The following NEK1 variants were observed in gnomAD, a reference collection of about 807,000 sequenced individuals.
The protein encoded by NEK1 is NIMA related kinase 1, also known as serine/threonine-protein kinase Nek1.
NEK1 carries 137 observed loss-of-function variants against 182.1 expected under a neutral mutation model. The observed-to-expected ratio is 0.75, with a 90% CI of 0.65 to 0.87. The LOEUF is 0.87. Ranked by LOEUF, NEK1 falls within the 40% of genes least tolerant of loss-of-function variation. NEK1 has a pLI of 0.00. For missense variants in NEK1, 1,391 were observed against 1,494.4 expected (o/e 0.93, Z 1.14); for synonymous variants, 513 against 492.2 (o/e 1.04, Z -0.56).
intron 35 of NEK1, among the ~76,000 whole-genome samples, chr4:169,395,992 G>A (rs1450407018): frequency 1.3e-5 from 2 of 152,148 alleles, no homozygotes; most frequent in East Asian, 3.8e-4. Context: ...TTTAGCCGAT[G>A]TATACAATTT....
chr4:169,561,781 A>T (rs1311443106), intron 14 of NEK1, 44 bp from the exon 15 acceptor site: 3 of 1,599,978 alleles, frequency 1.9e-6, no homozygotes, highest in South Asian at 2.2e-5. Context: ...TCTTGAACCT[A>T]TTATCACTTA....
At chr4:169,608,270 A>G (rs1288508536) in intron 2 of NEK1, among the ~76,000 whole-genome samples, 1 of 152,192 alleles carries the variant, frequency 6.6e-6, no homozygotes, top group African/African-American at 2.4e-5. Context: ...GAAGTCCAGA[A>G]ATCAAAAAAC....
chr4:169,506,969 T>G, intron 23 of NEK1, 68 bp downstream of exon 23: 1 of 981,894 alleles, frequency 1.0e-6, no homozygotes. Context: ...ATAATACTGA[T>G]GTACTACCCA....
At chr4:169,501,662 A>C (rs1237553390) in intron 23 of NEK1, among the ~76,000 whole-genome samples, 1 of 152,184 alleles carries the variant, frequency 6.6e-6, no homozygotes, top group Non-Finnish European at 1.5e-5. Flanking sequence ...TTTGGAAAAC[A>C]ATAAAATTAA....
intron 29 of NEK1, among the ~76,000 whole-genome samples, chr4:169,433,188 C>A (rs1015140563): frequency 1.5e-4 from 23 of 151,582 alleles, no homozygotes; most frequent in Admixed American, 8.5e-4. Context: ...GTCTCTCAAG[C>A]AGCTGGGACT....
At chr4:169,400,932 A>G (rs1245573939) in intron 33 of NEK1, among the ~76,000 whole-genome samples, 2 of 151,478 alleles carry the variant, frequency 1.3e-5, no homozygotes, top group African/African-American at 4.9e-5. Context: ...AAAAAAAAAA[A>G]GTGGAAAAAG....
intron 29 of NEK1, among the ~76,000 whole-genome samples, chr4:169,431,276 T>C (rs1561174912): frequency 6.8e-6 from 1 of 146,330 alleles, no homozygotes; most frequent in Non-Finnish European, 1.5e-5. Flanking sequence ...AAGAGTATTA[T>C]ACTTGTGAAT....
chr4:169,577,569 C>G (rs981238134), intron 11 of NEK1, among the ~76,000 whole-genome samples: 2 of 151,950 alleles, frequency 1.3e-5, no homozygotes, highest in Non-Finnish European at 2.9e-5. Flanking sequence ...AGATCTAGAC[C>G]ATGGTGAAAC....
chr4:169,610,346 C>T (rs969110829), intron 2 of NEK1, among the ~76,000 whole-genome samples: 2 of 151,536 alleles, frequency 1.3e-5, no homozygotes, highest in Non-Finnish European at 2.9e-5. Context: ...ACAAGCCTCA[C>T]TCAGTCGCCC....
intron 19 of NEK1, among the ~76,000 whole-genome samples, chr4:169,515,177 C>T (rs1318399026): frequency 6.6e-6 from 1 of 152,056 alleles, no homozygotes; most frequent in East Asian, 1.9e-4. Context: ...TTCCACTGTT[C>T]TCTATATTTG....
chr4:169,508,419 C>A (rs752109233), intron 20 of NEK1, 88 bp from the exon 21 acceptor site: 1 of 1,087,698 alleles, frequency 9.2e-7, no homozygotes, highest in Admixed American at 3.2e-5. Context: ...ATTTAAGGAA[C>A]AGTGTTAATT....
At position 169,585,442 on chromosome 4, in the gene NEK1, T is replaced by C; in HGVS notation, c.714A>G (p.Leu238=). 1 of 1,613,564 alleles carries C rather than the reference T, an allele frequency of 6.2e-7. No homozygotes were observed. Among genetic ancestry groups the C allele is most frequent in the Non-Finnish European group, 8.5e-7 (1 of 1,179,570 alleles). The change falls in exon 10 of 36, where the codon TTA becomes TTG. Residue 238 remains leucine, a synonymous_variant. Coordinates refer to ENST00000507142, the MANE Select transcript of NEK1 (RefSeq NM_001199397.3). ...SYDLRSLVSQ[L]FKRNPRDRPS... ...GTCTATCCCTAGGATTTCTTTTAAA[T>C]AACTGAGACACCAAACTGCGGAGAT...
At chr4:169,414,132 A>G (rs1314202364) in intron 31 of NEK1, among the ~76,000 whole-genome samples, 1 of 152,244 alleles carries the variant, frequency 6.6e-6, no homozygotes, top group Non-Finnish European at 1.5e-5. Flanking sequence ...TACACTAATA[A>G]TTAGTATACT....
At chr4:169,424,341 A>T (rs1415341350) in intron 31 of NEK1, among the ~76,000 whole-genome samples, 2 of 151,478 alleles carry the variant, frequency 1.3e-5, no homozygotes, top group Non-Finnish European at 2.9e-5. Flanking sequence ...AAGACTCTAT[A>T]AAAAAAATCC....
intron 23 of NEK1, among the ~76,000 whole-genome samples, chr4:169,491,650 A>G (rs942464490): frequency 5.3e-5 from 8 of 152,222 alleles, no homozygotes; most frequent in Admixed American, 4.6e-4. Context: ...AATAACTACT[A>G]CCACAAGAAC....
rs150038796 is a variant in NEK1 at position 169,462,118 on chromosome 4, C to T, written c.2587+1125G>A. On this transcript the variant is annotated intron_variant, in intron 27 of 35. Transcript: ENST00000507142. ...TAAAAGTAATAGTGTTAATGAGCAT[C>T]AGCATATTATAGAGCTTTTAGACTA... Among the ~76,000 whole-genome samples, 7 of 152,058 alleles carry T rather than the reference C, an allele frequency of 4.6e-5. No individual in the cohort carries two copies. In the East Asian group the frequency reaches 1.2e-3, roughly 25 times the overall value.
intron 23 of NEK1, among the ~76,000 whole-genome samples, chr4:169,479,851 A>G (rs1057206736): frequency 2.6e-5 from 4 of 152,146 alleles, no homozygotes; most frequent in Non-Finnish European, 5.9e-5. Flanking sequence ...GATTTTGTTA[A>G]TCTTACACTT....
chr4:169,441,331 C>T (rs548687689), intron 27 of NEK1, among the ~76,000 whole-genome samples: 1 of 152,334 alleles, frequency 6.6e-6, no homozygotes, highest in South Asian at 2.1e-4. Context: ...GGCCCACTCA[C>T]TGATGCCACC....
chr4:169,455,467 T>C (rs1454767186), intron 27 of NEK1, among the ~76,000 whole-genome samples: 2 of 152,108 alleles, frequency 1.3e-5, no homozygotes, highest in Admixed American at 1.3e-4. Context: ...GAAGTAACTA[T>C]ACTTACATGA....
Sources: allele counts gnomAD v4.1 joint callset (sites outside exome capture counted in the v4.1 genomes callset), GRCh38; gene constraint gnomAD v4.1.1; transcripts MANE v1.5; gene names NCBI Gene and HGNC (gene_info 2026-07-23, HGNC 2026-07-21).